IGSF21: variants seen among roughly 807,000 people sequenced by gnomAD.
The protein encoded by IGSF21 is immunoglobin superfamily member 21.
Under a neutral mutation model 46.8 loss-of-function variants are expected in IGSF21, and 28 were observed. The ratio of observed to expected loss-of-function variants is 0.60; its 90% confidence interval spans 0.44 to 0.82. IGSF21 has a LOEUF of 0.82. IGSF21 is among the 40% of genes least tolerant of loss of function. The pLI is 0.00. For missense variants in IGSF21, 624 were observed against 665.5 expected (o/e 0.94, Z 0.69); for synonymous variants, 284 against 273.6 (o/e 1.04, Z -0.38).
chr1:18,171,589 C>G (rs1159461957), intron 1 of IGSF21, among the ~76,000 whole-genome samples: 1 of 152,234 alleles, frequency 6.6e-6, no homozygotes, highest in Non-Finnish European at 1.5e-5. Context: ...TCAGTTTCCT[C>G]TGCTGTAAAT....
chr1:18,181,920 A>C (rs2086861133), intron 1 of IGSF21, among the ~76,000 whole-genome samples: 1 of 152,146 alleles, frequency 6.6e-6, no homozygotes, highest in Admixed American at 6.5e-5. Flanking sequence ...GAGCTCTGCT[A>C]TAAAATGAGG....
At chr1:18,185,331 G>C (rs2086893647) in intron 1 of IGSF21, among the ~76,000 whole-genome samples, 1 of 152,168 alleles carries the variant, frequency 6.6e-6, no homozygotes, top group African/African-American at 2.4e-5. Context: ...CTGGCTGCTT[G>C]TTTCTATTAC....
At position 18,335,749 on chromosome 1, in the gene IGSF21, C is replaced by A. The variant is rs140924768; in HGVS notation, c.424+739C>A. Reference sequence around the variant, plus strand: ...ATACGTATCAGGGAAACAAAGCTTGCGGTACACAGGCAATCGATGAAAGCA... The same window carrying A: ...ATACGTATCAGGGAAACAAAGCTTGAGGTACACAGGCAATCGATGAAAGCA... On this transcript the variant is annotated intron_variant, in intron 4 of 9. Coordinates refer to ENST00000251296, the MANE Select transcript of IGSF21 (RefSeq NM_032880.5). This position sits in a 1 kb window ranked among gnomAD's most constrained non-coding sequence, Gnocchi z 4.8. Among the ~76,000 whole-genome samples the A allele has an allele frequency of 6.6e-6, 1 of 152,110 alleles. No individual in the cohort carries two copies. The highest frequency in any genetic ancestry group is 1.5e-5 in the Non-Finnish European group (1 of 68,028).
intron 2 of IGSF21, among the ~76,000 whole-genome samples, chr1:18,267,729 G>A (rs757300814): frequency 4.5e-4 from 69 of 152,282 alleles, no homozygotes; most frequent in Non-Finnish European, 8.5e-4. Flanking sequence ...TGGGTCCACC[G>A]TCAGAGTTGG....
chr1:18,328,090 G>A (rs6683529), intron 3 of IGSF21, among the ~76,000 whole-genome samples: 48,545 of 152,072 alleles, frequency 0.32, 9,462 homozygotes, highest in Non-Finnish European at 0.42. Flanking sequence ...TAGACTGGAG[G>A]CAGATTCCAG....
intron 5 of IGSF21, among the ~76,000 whole-genome samples, chr1:18,364,607 C>T (rs1187056030): frequency 1.3e-5 from 2 of 152,116 alleles, no homozygotes; most frequent in African/African-American, 4.8e-5. Flanking sequence ...TGCCGCCTCA[C>T]AAAACTTGAG....
chr1:18,313,324 C>T (rs979847560), intron 3 of IGSF21, among the ~76,000 whole-genome samples: 1 of 152,166 alleles, frequency 6.6e-6, no homozygotes, highest in East Asian at 1.9e-4. Flanking sequence ...ACATAAGGAA[C>T]ACTTCAGACA....
At chr1:18,212,024 C>G (rs2084397818) in intron 1 of IGSF21, among the ~76,000 whole-genome samples, 1 of 152,234 alleles carries the variant, frequency 6.6e-6, no homozygotes, top group African/African-American at 2.4e-5. Context: ...CAGCAATGTT[C>G]CATAAGGCAG....
chr1:18,182,351 G>A (rs2086865486), intron 1 of IGSF21, among the ~76,000 whole-genome samples: 2 of 151,808 alleles, frequency 1.3e-5, no homozygotes, highest in Non-Finnish European at 2.9e-5. Context: ...TAATTTTTTT[G>A]TATTTTTAGT....
chr1:18,109,965 G>C lies in IGSF21; in HGVS notation c.70+1767G>C, dbSNP rs1460759839. ...AGGACTGATGAGAAGGGCTTGTTGG[G>C]AAACCCTGGCTCCGTCAGGACCCCA... is the stretch of plus-strand genomic sequence containing the variant. On this transcript the variant is annotated intron_variant, in intron 1 of 9. Coordinates refer to ENST00000251296, the MANE Select transcript of IGSF21 (RefSeq NM_032880.5). This position sits in a 1 kb window ranked among gnomAD's most constrained non-coding sequence, Gnocchi z 4.8. The C allele has an allele frequency of 6.6e-6, 1 of 152,244 alleles. No individual in the cohort carries two copies. Among genetic ancestry groups the C allele is most frequent in the Non-Finnish European group, 1.5e-5 (1 of 68,066 alleles). The allele number at this position is 152,244 out of a possible 1,614,324, so 9.4% of individuals were successfully genotyped here.
intron 1 of IGSF21, among the ~76,000 whole-genome samples, chr1:18,147,002 G>C (rs959778682): frequency 1.3e-5 from 2 of 152,124 alleles, no homozygotes; most frequent in Non-Finnish European, 1.5e-5. Flanking sequence ...CCTGGTCCAG[G>C]AACGAGTTCT....
intron 2 of IGSF21, among the ~76,000 whole-genome samples, chr1:18,257,811 C>T (rs556511050): frequency 6.6e-6 from 1 of 152,252 alleles, no homozygotes; most frequent in African/African-American, 2.4e-5. Context: ...TTCCTTGAGG[C>T]TCTTCTCTTT....
chr1:18,295,169 G>A (rs2085301127), intron 3 of IGSF21, among the ~76,000 whole-genome samples: 1 of 152,166 alleles, frequency 6.6e-6, no homozygotes, highest in African/African-American at 2.4e-5. Context: ...TGCCCCCAGG[G>A]GGTGCAGGTG....
At chr1:18,145,503 C>T (rs944465594) in intron 1 of IGSF21, among the ~76,000 whole-genome samples, 5 of 152,146 alleles carry the variant, frequency 3.3e-5, no homozygotes, top group Non-Finnish European at 7.3e-5. Context: ...TGATACCTGC[C>T]GCCCCAACTG....
intron 2 of IGSF21, among the ~76,000 whole-genome samples, chr1:18,286,988 C>T (rs1423508592): frequency 2.6e-5 from 4 of 151,670 alleles, no homozygotes; most frequent in Non-Finnish European, 4.4e-5. Context: ...GAGACCATCC[C>T]GGCTAAAACG....
Position 18,108,060 on chromosome 1 carries a change from T to G in IGSF21, c.-69T>G. 5.6e-6 allele frequency: 4 copies of G among 711,426 alleles called. No homozygotes were observed. The highest frequency in any genetic ancestry group is 8.1e-6 in the Non-Finnish European group (4 of 490,946). 44.1% of individuals were successfully genotyped at this position (711,426 alleles called of 1,614,324 possible). A position where few individuals can be genotyped will look rare whatever the true frequency, so the allele number is the denominator to read the frequency against. ...GGAGGCAGGAGCGCGTCTGAGCCCATGGCGAGGGGACCCGCCGCCACCGCC... is the reference window on the plus strand; with the variant it reads ...GGAGGCAGGAGCGCGTCTGAGCCCAGGGCGAGGGGACCCGCCGCCACCGCC... On this transcript the variant is annotated 5_prime_UTR_variant, in exon 1 of 10. The change abolishes an upstream ATG in the 5' untranslated region. Coordinates refer to ENST00000251296, the MANE Select transcript of IGSF21 (RefSeq NM_032880.5).
intron 1 of IGSF21, among the ~76,000 whole-genome samples, chr1:18,120,597 G>T (rs560733186): frequency 6.6e-4 from 101 of 152,312 alleles, no homozygotes; most frequent in African/African-American, 2.4e-3. Context: ...GGTGCAATGA[G>T]ACAACATATG....
intron 1 of IGSF21, among the ~76,000 whole-genome samples, chr1:18,186,756 A>T (rs1006231493): frequency 1.3e-5 from 2 of 152,170 alleles, no homozygotes; most frequent in East Asian, 3.9e-4. Flanking sequence ...GTCCAACTTC[A>T]GTGGCTTTGC....
chr1:18,251,900 G>A (rs2084845247), intron 2 of IGSF21, among the ~76,000 whole-genome samples: 2 of 151,986 alleles, frequency 1.3e-5, no homozygotes, highest in South Asian at 2.1e-4. Context: ...TAAGCAGTAG[G>A]CCCCCACTAC....
Sources: gnomAD v4.1 joint callset for allele counts (sites outside exome capture counted in the v4.1 genomes callset) on GRCh38, gnomAD v4.1.1 for gene constraint, Gnocchi (gnomAD v3.1) non-coding constraint, MANE v1.5 for transcripts, NCBI Gene and HGNC (gene_info 2026-07-23, HGNC 2026-07-21) for gene names.